The following KCTD7 variants were observed in gnomAD, a reference collection of about 807,000 sequenced individuals.
KCTD7 encodes the protein potassium channel tetramerization domain containing 7, also known as BTB/POZ domain-containing protein KCTD7.
In KCTD7, 15 loss-of-function variants were observed where a neutral mutation model predicts 27.0. The observed-to-expected ratio is 0.56, with a 90% CI of 0.37 to 0.86. The LOEUF (loss-of-function observed/expected upper bound fraction) is 0.86. Among genes scored for constraint, KCTD7 ranks in the 40% least tolerant of loss-of-function variants. The pLI is 0.00. For missense variants in KCTD7, 299 were observed against 398.9 expected (o/e 0.75, Z 2.13); for synonymous variants, 159 against 162.7 (o/e 0.98, Z 0.17).
chr7:66,642,644 T>C lies in KCTD7; in HGVS notation c.*3412T>C, dbSNP rs986884390. On this transcript the variant is annotated 3_prime_UTR_variant, in exon 4 of 4. Coordinates refer to ENST00000639828, the MANE Select transcript of KCTD7 (RefSeq NM_153033.5). Reference sequence around the variant, plus strand: ...TTGATTCCAATATACATTATTAAGCTTTCTTGGGTACTATTTTGCTGGGGC... The same window carrying C: ...TTGATTCCAATATACATTATTAAGCCTTCTTGGGTACTATTTTGCTGGGGC... 3 of 985,442 alleles carry C rather than the reference T, an allele frequency of 3.0e-6. No individual in the cohort carries two copies. The highest frequency in any genetic ancestry group is 5.2e-4 in the Middle Eastern group (1 of 1,914). The allele number at this position is 985,442 out of a possible 1,614,324, so 61.0% of individuals were successfully genotyped here. A position where few individuals can be genotyped will look rare whatever the true frequency, so the allele number is the denominator to read the frequency against.
At chr7:66,633,198 C>T in intron 1 of KCTD7, 77 bp from the exon 2 acceptor site, 1 of 1,468,888 alleles carries the variant, frequency 6.8e-7, no homozygotes, top group Non-Finnish European at 9.5e-7. Context: ...CCAATCAGAC[C>T]CCAGGGATTG....
chr7:66,629,735 T>G (rs986543204), intron 1 of KCTD7, among the ~76,000 whole-genome samples: 1 of 152,122 alleles, frequency 6.6e-6, no homozygotes, highest in Non-Finnish European at 1.5e-5. Context: ...GAAAAAGATG[T>G]CTTCTAGAGA....
Position 66,642,738 on chromosome 7 carries a change from G to C in KCTD7, c.*3506G>C. On this transcript the variant is annotated 3_prime_UTR_variant, in exon 4 of 4. Transcript: ENST00000639828. ...GAGGCTTTTTTCATCCAAAGCTGTA[G>C]TGTTGGGAACTGGGGTGGGAGAGGC... The C allele has an allele frequency of 1.0e-6, 1 of 985,360 alleles. No homozygotes were observed. The highest frequency in any genetic ancestry group is 1.2e-6 in the Non-Finnish European group (1 of 829,954). 61.0% of individuals were successfully genotyped at this position (985,360 alleles called of 1,614,324 possible).
rs1165390251 is a variant in KCTD7, at chr7:66,639,205, C to CT, written c.844dup (p.Tyr282LeufsTer2). On this transcript the variant is annotated frameshift_variant, in exon 4 of 4. Transcript: ENST00000639828. LOFTEE classifies it high-confidence loss of function. ...ACCACTACTACTGCAAGCGCCCCAT[C>CT]TATGAGTTCAAGATCACATGGTGGT... 6.2e-7 allele frequency: 1 copy of CT among 1,613,264 alleles called. No homozygotes were observed. Among genetic ancestry groups the CT allele is most frequent in the African/African-American group, 1.3e-5 (1 of 74,910 alleles).
chr7:66,640,240 G>A lies in KCTD7; in HGVS notation c.*1008G>A. 1 of 1,474,414 alleles carries A rather than the reference G, an allele frequency of 6.8e-7. No individual in the cohort carries two copies. Among genetic ancestry groups the A allele is most frequent in the African/African-American group, 1.4e-5 (1 of 71,138 alleles). 91.3% of individuals were successfully genotyped at this position (1,474,414 alleles called of 1,614,324 possible). A position where few individuals can be genotyped will look rare whatever the true frequency, so the allele number is the denominator to read the frequency against. ...CTTCTGAGAAGGTAAAGGAAGGGCT[G>A]GGTGAGACACACAGCTATCCTAGGA... On this transcript the variant is annotated 3_prime_UTR_variant, in exon 4 of 4. Transcript: ENST00000639828.
chr7:66,635,741 A>G (rs1400961721), intron 2 of KCTD7, among the ~76,000 whole-genome samples: 1 of 148,954 alleles, frequency 6.7e-6, no homozygotes, highest in Admixed American at 6.7e-5. Context: ...CCAGTGGGCT[A>G]TCAGCTGCCT....
chr7:66,636,002 A>G (rs1377490897), intron 2 of KCTD7, among the ~76,000 whole-genome samples: 1 of 145,176 alleles, frequency 6.9e-6, no homozygotes, highest in East Asian at 2.1e-4. Flanking sequence ...CCACAGCTAG[A>G]GAGTGACAGC....
Position 66,638,903 on chromosome 7 carries a change from C to T in KCTD7, c.541C>T (p.Arg181Trp), listed in dbSNP as rs750770298. The change falls in exon 4 of 4, where the codon CGG (arginine) becomes TGG (tryptophan). Residue 181 changes from arginine to tryptophan, a missense_variant. Transcript: ENST00000639828. ...GATCGCCCGGCTGCGTGCGGTCCAG[C>T]GGAAGGCCCGCTTTGCCAAGCTCAA... ...VEIARLRAVQ[R>W]KARFAKLKVC... 4.3e-6 allele frequency: 7 copies of T among 1,613,918 alleles called. No homozygotes were observed. Among genetic ancestry groups the T allele is most frequent in the African/African-American group, 1.3e-5 (1 of 74,880 alleles).
At position 66,641,937 on chromosome 7, in the gene KCTD7, C is replaced by T. The variant is rs1206597931; in HGVS notation, c.*2705C>T. On this transcript the variant is annotated 3_prime_UTR_variant, in exon 4 of 4. Coordinates refer to ENST00000639828, the MANE Select transcript of KCTD7 (RefSeq NM_153033.5). ...GGAAGGCTCCAAAGGATGAAAGCTT[C>T]TCCCTGATCATAAGGAAGTGCATCT... 1 of 985,314 alleles carries T rather than the reference C, an allele frequency of 1.0e-6. No homozygotes were observed. Among genetic ancestry groups the T allele is most frequent in the African/African-American group, 1.7e-5 (1 of 57,232 alleles). The allele number at this position is 985,314 out of a possible 1,614,324, so 61.0% of individuals were successfully genotyped here.
chr7:66,640,832 AAAAT>A lies in KCTD7; in HGVS notation c.*1621_*1624del, dbSNP rs910395942. On this transcript the variant is annotated 3_prime_UTR_variant, in exon 4 of 4. Coordinates refer to ENST00000639828, the MANE Select transcript of KCTD7 (RefSeq NM_153033.5). ...CTCCAGCCTGGGCAACACCATCGTA[AAAAT>A]AAATAAATAAATAAATAAATTGGGG... 213 of 973,392 alleles carry A rather than the reference AAAAT, an allele frequency of 2.2e-4. No homozygotes were observed. The highest frequency in any genetic ancestry group is 2.4e-4 in the Non-Finnish European group (194 of 818,444). 60.3% of individuals were successfully genotyped at this position (973,392 alleles called of 1,614,324 possible).
chr7:66,639,687 T>G lies in KCTD7; in HGVS notation c.*455T>G, dbSNP rs532953619. 8.0e-7 allele frequency: 1 copy of G among 1,255,440 alleles called. No individual in the cohort carries two copies. The highest frequency in any genetic ancestry group is 1.5e-5 in the African/African-American group (1 of 66,106). 77.8% of individuals were successfully genotyped at this position (1,255,440 alleles called of 1,614,324 possible). On this transcript the variant is annotated 3_prime_UTR_variant, in exon 4 of 4. Coordinates refer to ENST00000639828, the MANE Select transcript of KCTD7 (RefSeq NM_153033.5). ...TGTGAACACGGAACATGATGGGGGA[T>G]TTACCTGACCAGCCACCCCATAGCC...
chr7:66,630,381 A>G (rs1198268934), intron 1 of KCTD7, among the ~76,000 whole-genome samples: 1 of 152,228 alleles, frequency 6.6e-6, no homozygotes, highest in South Asian at 2.1e-4. Flanking sequence ...GTTTGAGGCC[A>G]GGAGTCTGGG....
In KCTD7 at chr7:66,639,254, C is replaced by A. The variant is rs753471697; in HGVS notation, c.*22C>A. Reference sequence around the variant, plus strand: ...GTGAGTAGCCCCGGTAGGCGAGAGTCCCATCAGGGAGGATGTCCACCTTGC... The same window carrying A: ...GTGAGTAGCCCCGGTAGGCGAGAGTACCATCAGGGAGGATGTCCACCTTGC... On this transcript the variant is annotated 3_prime_UTR_variant, in exon 4 of 4. Coordinates refer to ENST00000639828, the MANE Select transcript of KCTD7 (RefSeq NM_153033.5). 1 of 1,606,074 alleles carries A rather than the reference C, an allele frequency of 6.2e-7. No individual in the cohort carries two copies. Among genetic ancestry groups the A allele is most frequent in the Non-Finnish European group, 8.5e-7 (1 of 1,179,988 alleles).
rs1229876410 is a variant in KCTD7 at position 66,642,903 on chromosome 7, C to G, written c.*3671C>G. The G allele has an allele frequency of 1.0e-6, 1 of 985,282 alleles. No homozygotes were observed. Among genetic ancestry groups the G allele is most frequent in the African/African-American group, 1.7e-5 (1 of 57,200 alleles). The allele number at this position is 985,282 out of a possible 1,614,324, so 61.0% of individuals were successfully genotyped here. On this transcript the variant is annotated 3_prime_UTR_variant, in exon 4 of 4. Coordinates refer to ENST00000639828, the MANE Select transcript of KCTD7 (RefSeq NM_153033.5). ...AGTCACCTCGAGTGTGGGAGGTCAC[C>G]TGGGTCCGTCGTCTTCCTTCTGTAT...
At chr7:66,638,738 G>C in intron 3 of KCTD7, 118 bp from the exon 4 acceptor site, 1 of 1,311,336 alleles carries the variant, frequency 7.6e-7, no homozygotes, top group Non-Finnish European at 1.1e-6. Flanking sequence ...TCCCTTCCCC[G>C]GGAAATCTGT....
intron 1 of KCTD7, among the ~76,000 whole-genome samples, chr7:66,632,503 A>AG (rs1343354742): frequency 2.7e-5 from 4 of 149,590 alleles, no homozygotes; most frequent in African/African-American, 9.9e-5. Context: ...AAAAAAAAAA[A>AG]AAGAAAAAGG....
In KCTD7 at chr7:66,640,662, T is replaced by A. The variant is rs1786694685; in HGVS notation, c.*1430T>A. On this transcript the variant is annotated 3_prime_UTR_variant, in exon 4 of 4. Coordinates refer to ENST00000639828, the MANE Select transcript of KCTD7 (RefSeq NM_153033.5). ...CCAGGAACATGTCTGTAGTCCCAGCTACTTGGGCACACGCCTGTAGTCCAG... is the reference window on the plus strand; with the variant it reads ...CCAGGAACATGTCTGTAGTCCCAGCAACTTGGGCACACGCCTGTAGTCCAG... The A allele has an allele frequency of 7.6e-7, 1 of 1,316,970 alleles. No homozygotes were observed. Among genetic ancestry groups the A allele is most frequent in the African/African-American group, 1.5e-5 (1 of 66,710 alleles). 81.6% of individuals were successfully genotyped at this position (1,316,970 alleles called of 1,614,324 possible). A position where few individuals can be genotyped will look rare whatever the true frequency, so the allele number is the denominator to read the frequency against.
At position 66,639,214 on chromosome 7, in the gene KCTD7, C is replaced by G. The variant is rs776777218; in HGVS notation, c.852C>G (p.Phe284Leu). 1 of 1,612,868 alleles carries G rather than the reference C, an allele frequency of 6.2e-7. No individual in the cohort carries two copies. The highest frequency in any genetic ancestry group is 8.5e-7 in the Non-Finnish European group (1 of 1,180,034). ...ACTGCAAGCGCCCCATCTATGAGTTCAAGATCACATGGTGGTGAGTAGCCC... is the reference window on the plus strand; with the variant it reads ...ACTGCAAGCGCCCCATCTATGAGTTGAAGATCACATGGTGGTGAGTAGCCC... ...HYYCKRPIYE[F>L]KITWW Residue 284 changes from phenylalanine (F) to leucine (L), a missense_variant, in exon 4 of 4, where the codon TTC becomes TTG. Coordinates refer to ENST00000639828, the MANE Select transcript of KCTD7 (RefSeq NM_153033.5).
intron 2 of KCTD7, among the ~76,000 whole-genome samples, chr7:66,634,114 A>ATATATATATATATATATG (rs1786520870): frequency 1.6e-4 from 1 of 6,270 alleles, no homozygotes; most frequent in African/African-American, 1.1e-3. Flanking sequence ...GTGTGTATAC[A>ATATATATATATATATATG]TATATATATA....
Sources: allele counts gnomAD v4.1 joint callset (sites outside exome capture counted in the v4.1 genomes callset), GRCh38; gene constraint gnomAD v4.1.1; transcripts MANE v1.5; gene names NCBI Gene and HGNC (gene_info 2026-07-23, HGNC 2026-07-21).